PKNOX2: variants seen among roughly 807,000 people sequenced by gnomAD.
PKNOX2 encodes the protein PBX/knotted 1 homeobox 2.
Under a neutral mutation model 53.1 loss-of-function variants are expected in PKNOX2, and 14 were observed. The ratio of observed to expected loss-of-function variants is 0.26; its 90% CI spans 0.17 to 0.41. PKNOX2 has a LOEUF of 0.41. PKNOX2 is among the 10% of genes least tolerant of loss of function. The pLI, the probability that PKNOX2 is intolerant of heterozygous loss-of-function variation, is 1.00. For missense variants in PKNOX2, 496 were observed against 602.8 expected, an observed-to-expected ratio of 0.82 and a Z score of 1.85; for synonymous variants, 257 against 242.8, an observed-to-expected ratio of 1.06 and a Z score of -0.54.
At chr11:125,220,188 A>G (rs1325861132) in intron 1 of PKNOX2, among the ~76,000 whole-genome samples, 4 of 152,226 alleles carry the variant, frequency 2.6e-5, no homozygotes, top group East Asian at 1.9e-4. Flanking sequence ...ACAAGAATCT[A>G]TATTTGTATT....
At chr11:125,205,781 T>A (rs1305727237) in intron 1 of PKNOX2, among the ~76,000 whole-genome samples, 1 of 152,058 alleles carries the variant, frequency 6.6e-6, no homozygotes, top group African/African-American at 2.4e-5. Context: ...TACAAGATAC[T>A]TAAAAAGATG....
At chr11:125,264,016 C>G (rs1945102280) in intron 2 of PKNOX2, among the ~76,000 whole-genome samples, 1 of 152,186 alleles carries the variant, frequency 6.6e-6, no homozygotes, top group Non-Finnish European at 1.5e-5. Context: ...GGGGGCTAAT[C>G]AGTCCTCCCC....
At chr11:125,293,827 T>A (rs1057321601) in intron 2 of PKNOX2, among the ~76,000 whole-genome samples, 3 of 149,418 alleles carry the variant, frequency 2.0e-5, no homozygotes, top group African/African-American at 7.6e-5. Context: ...ACACACTCAC[T>A]CACACTCACA....
intron 1 of PKNOX2, among the ~76,000 whole-genome samples, chr11:125,206,771 C>T (rs1939164790): frequency 6.6e-6 from 1 of 152,080 alleles, no homozygotes; most frequent in Non-Finnish European, 1.5e-5. Context: ...GGAGCAAAGA[C>T]AGCGCTCAGT....
At chr11:125,348,774 C>T (rs1951131893) in intron 3 of PKNOX2, among the ~76,000 whole-genome samples, 1 of 152,256 alleles carries the variant, frequency 6.6e-6, no homozygotes, top group South Asian at 2.1e-4. Flanking sequence ...ATGCCCTCCT[C>T]GTTGAGCTTC....
At chr11:125,324,064 A>C (rs1269344572) in intron 2 of PKNOX2, among the ~76,000 whole-genome samples, 4 of 152,144 alleles carry the variant, frequency 2.6e-5, no homozygotes, top group Non-Finnish European at 5.9e-5. Context: ...CTTTTCCTAG[A>C]TTCTTTGTCA....
chr11:125,222,605 C>CTGTG (rs1010713566), intron 1 of PKNOX2, among the ~76,000 whole-genome samples: 6,147 of 140,722 alleles, frequency 0.044, 469 homozygotes, highest in African/African-American at 0.15. Context: ...GTGTGTGTGT[C>CTGTG]TGTGTGTATG....
At chr11:125,238,440 C>T (rs1942904416) in intron 2 of PKNOX2, among the ~76,000 whole-genome samples, 1 of 152,152 alleles carries the variant, frequency 6.6e-6, no homozygotes, top group Admixed American at 6.5e-5. Flanking sequence ...GTTATTATCT[C>T]TATTACAGAA....
At chr11:125,177,048 G>A (rs1014927093) in intron 1 of PKNOX2, among the ~76,000 whole-genome samples, 18 of 152,198 alleles carry the variant, frequency 1.2e-4, no homozygotes, top group Non-Finnish European at 1.8e-4. Flanking sequence ...GAAAGCCCTC[G>A]TGGGCAGCAG....
intron 1 of PKNOX2, among the ~76,000 whole-genome samples, chr11:125,186,986 G>A (rs373573354): frequency 2.3e-4 from 35 of 152,126 alleles, no homozygotes; most frequent in East Asian, 1.2e-3. Flanking sequence ...CCCATTGAAC[G>A]GACTTGCCAC....
At chr11:125,408,279 A>G (rs1955238412) in intron 7 of PKNOX2, among the ~76,000 whole-genome samples, 1 of 152,176 alleles carries the variant, frequency 6.6e-6, no homozygotes, top group South Asian at 2.1e-4. Flanking sequence ...GGCAGACTCC[A>G]TTTTAGACTG....
chr11:125,238,253 G>T (rs893041258), intron 2 of PKNOX2, among the ~76,000 whole-genome samples: 1 of 152,222 alleles, frequency 6.6e-6, no homozygotes, highest in African/African-American at 2.4e-5. Flanking sequence ...TAACACCAAA[G>T]GGGAGGGGGC....
chr11:125,406,520 G>C (rs1329983457), intron 7 of PKNOX2, among the ~76,000 whole-genome samples: 2 of 152,192 alleles, frequency 1.3e-5, no homozygotes, highest in African/African-American at 2.4e-5. Flanking sequence ...CCCTAGTTGA[G>C]TGACCTTAGC....
At chr11:125,225,004 C>T (rs1156476483) in intron 1 of PKNOX2, among the ~76,000 whole-genome samples, 2 of 152,312 alleles carry the variant, frequency 1.3e-5, no homozygotes, top group African/African-American at 2.4e-5. Context: ...CAGTGGCCTT[C>T]GGATGGCTGC....
intron 2 of PKNOX2, among the ~76,000 whole-genome samples, chr11:125,282,357 T>C (rs1946615962): frequency 6.6e-6 from 1 of 152,224 alleles, no homozygotes; most frequent in Non-Finnish European, 1.5e-5. Context: ...AATGAGATAA[T>C]ACTCATAAAG....
At chr11:125,232,848 G>C (rs1446552488) in intron 1 of PKNOX2, among the ~76,000 whole-genome samples, 1 of 150,756 alleles carries the variant, frequency 6.6e-6, no homozygotes, top group Non-Finnish European at 1.5e-5. Context: ...TTTCAAACTG[G>C]GTCATCCCAT....
chr11:125,416,032 G>A (rs375889979), intron 10 of PKNOX2, among the ~76,000 whole-genome samples: 4 of 152,040 alleles, frequency 2.6e-5, no homozygotes, highest in South Asian at 2.1e-4. Flanking sequence ...GGCCGGGTGC[G>A]GTGGCTCACG....
intron 6 of PKNOX2, among the ~76,000 whole-genome samples, chr11:125,395,515 C>G (rs1591555309): frequency 6.6e-6 from 1 of 152,186 alleles, no homozygotes; most frequent in African/African-American, 2.4e-5. Context: ...TCCAGAGTGG[C>G]TGTACCATTT....
chr11:125,358,140 C>A (rs1016494834), intron 4 of PKNOX2, among the ~76,000 whole-genome samples: 2 of 152,198 alleles, frequency 1.3e-5, no homozygotes, highest in African/African-American at 4.8e-5. Flanking sequence ...ATTCTTCACT[C>A]GATCACCTGC....
Sources: gnomAD v4.1 joint callset for allele counts (sites outside exome capture counted in the v4.1 genomes callset) on GRCh38, gnomAD v4.1.1 for gene constraint, MANE v1.5 for transcripts, NCBI Gene and HGNC (gene_info 2026-07-23, HGNC 2026-07-21) for gene names.